The following CTNND2 variants were observed in gnomAD, a reference collection of about 807,000 sequenced individuals.
The protein encoded by CTNND2 is catenin delta 2.
A neutral mutation model predicts 144.4 loss-of-function variants in CTNND2; 22 were observed. That is an observed-to-expected ratio of 0.15 (90% CI 0.11 to 0.22). CTNND2 has a LOEUF of 0.22. Among genes scored for constraint, CTNND2 ranks in the 10% least tolerant of loss-of-function variants. The probability of loss-of-function intolerance (pLI) is 1.00; values close to 1 mark genes in which losing one functional copy is unlikely to be tolerated. For missense variants in CTNND2, 1,353 were observed against 1,618.8 expected (o/e 0.84, Z 2.82); for synonymous variants, 751 against 695.6 (o/e 1.08, Z -1.25).
intron 1 of CTNND2, among the ~76,000 whole-genome samples, chr5:11,887,507 C>CA (rs35431230): frequency 0.25 from 34,856 of 141,382 alleles, 4,087 homozygotes; most frequent in Admixed American, 0.32. Flanking sequence ...TTTGAGCAAG[C>CA]AAAAAAAAAA....
At chr5:11,630,673 C>G (rs1781368312) in intron 2 of CTNND2, among the ~76,000 whole-genome samples, 1 of 151,942 alleles carries the variant, frequency 6.6e-6, no homozygotes, top group African/African-American at 2.4e-5. Flanking sequence ...TCAAATAACC[C>G]TACTGTCAAT....
chr5:11,592,439 T>A (rs1420903326), intron 2 of CTNND2, among the ~76,000 whole-genome samples: 1 of 152,162 alleles, frequency 6.6e-6, no homozygotes, highest in Non-Finnish European at 1.5e-5. Flanking sequence ...TATTTCCTAG[T>A]ATTATTGTAA....
At chr5:11,578,934 C>T (rs1581542617) in intron 2 of CTNND2, among the ~76,000 whole-genome samples, 2 of 152,138 alleles carry the variant, frequency 1.3e-5, no homozygotes, top group Non-Finnish European at 2.9e-5. Context: ...ATATTCAAAA[C>T]ATGAACATTC....
intron 3 of CTNND2, among the ~76,000 whole-genome samples, chr5:11,437,251 AAGTTGG>A (rs1763856229): frequency 6.6e-6 from 1 of 152,224 alleles, no homozygotes. Context: ...AAAAGAAATA[AAGTTGG>A]ATTTAAGATA....
chr5:11,648,172 C>CTTTTTTTTTTTTTTTTTTTT, intron 2 of CTNND2, among the ~76,000 whole-genome samples: 1 of 132,452 alleles, frequency 7.5e-6, no homozygotes, highest in Non-Finnish European at 1.6e-5. Flanking sequence ...AGAACAGTGA[C>CTTTTTTTTTTTTTTTTTTTT]TTTTTTTTTT....
intron 16 of CTNND2, among the ~76,000 whole-genome samples, chr5:11,033,395 GA>G (rs1204066848): frequency 4.6e-5 from 7 of 152,240 alleles, no homozygotes; most frequent in African/African-American, 1.7e-4. Flanking sequence ...TTCTCTGGAT[GA>G]GACTGATAAA....
chr5:11,796,981 A>G (rs1385255923), intron 1 of CTNND2, among the ~76,000 whole-genome samples: 2 of 152,244 alleles, frequency 1.3e-5, no homozygotes, highest in South Asian at 2.1e-4. Context: ...ACTATTGTCC[A>G]TAAACACTGG....
intron 9 of CTNND2, among the ~76,000 whole-genome samples, chr5:11,250,147 C>T (rs1447440193): frequency 6.6e-6 from 1 of 152,052 alleles, no homozygotes; most frequent in African/African-American, 2.4e-5. Flanking sequence ...TTTCACCCTT[C>T]AGTTTGAATA....
At chr5:11,182,807 C>T (rs1024644423) in intron 11 of CTNND2, among the ~76,000 whole-genome samples, 1 of 152,172 alleles carries the variant, frequency 6.6e-6, no homozygotes, top group Non-Finnish European at 1.5e-5. Context: ...ATAGATATAG[C>T]TGTTTCCATA....
At chr5:11,388,060 G>A (rs1010863943) in intron 6 of CTNND2, among the ~76,000 whole-genome samples, 6 of 152,162 alleles carry the variant, frequency 3.9e-5, no homozygotes, top group South Asian at 2.1e-4. Flanking sequence ...GACAAGCTAC[G>A]GCAACCAATT....
At chr5:11,201,976 A>C (rs1374899308) in intron 10 of CTNND2, among the ~76,000 whole-genome samples, 1 of 152,196 alleles carries the variant, frequency 6.6e-6, no homozygotes, top group South Asian at 2.1e-4. Flanking sequence ...CACGTGTACA[A>C]AAAAGGTTAA....
intron 3 of CTNND2, among the ~76,000 whole-genome samples, chr5:11,476,041 T>C (rs1189191021): frequency 2.6e-5 from 4 of 151,370 alleles, no homozygotes; most frequent in African/African-American, 2.4e-5. Flanking sequence ...TCTATTTTTT[T>C]TTTTTTTTTT....
intron 2 of CTNND2, among the ~76,000 whole-genome samples, chr5:11,624,487 T>C (rs948579732): frequency 6.6e-6 from 1 of 152,158 alleles, no homozygotes; most frequent in African/African-American, 2.4e-5. Flanking sequence ...AATGGTGTTA[T>C]TGTATTCATG....
chr5:11,874,958 G>A (rs180922062), intron 1 of CTNND2, among the ~76,000 whole-genome samples: 138 of 139,164 alleles, frequency 9.9e-4, no homozygotes, highest in Non-Finnish European at 1.5e-3. Flanking sequence ...CAGTGATGAG[G>A]TGATTCTTTC....
intron 9 of CTNND2, among the ~76,000 whole-genome samples, chr5:11,238,973 G>A (rs1051871845): frequency 1.3e-5 from 2 of 152,190 alleles, no homozygotes; most frequent in African/African-American, 4.8e-5. Flanking sequence ...GGCTCAGATA[G>A]CACAGTCCTT....
rs569816474 is a variant in CTNND2, at chr5:11,893,668, C to T, written c.37+10149G>A. 6.6e-5 allele frequency among the ~76,000 whole-genome samples: 10 copies of T among 152,210 alleles called. No individual in the cohort carries two copies. In the East Asian group the frequency reaches 1.6e-3, roughly 24 times the overall value. On this transcript the variant is annotated intron_variant, in intron 1 of 21. Transcript: ENST00000304623. ...CAAAGGAAGAAGGATGCTTTCTGAA[C>T]GTTAATTTCCTCCAGCCATCATCTT...
chr5:11,355,898 C>T (rs186775341), intron 8 of CTNND2, among the ~76,000 whole-genome samples: 1 of 151,918 alleles, frequency 6.6e-6, no homozygotes, highest in East Asian at 1.9e-4. Context: ...ACTATCTGTA[C>T]AGAAATATAC....
intron 1 of CTNND2, among the ~76,000 whole-genome samples, chr5:11,865,113 T>C (rs1399666591): frequency 6.6e-6 from 1 of 152,056 alleles, no homozygotes; most frequent in African/African-American, 2.4e-5. Context: ...CAGGCTGGTC[T>C]CAAACTCCCG....
chr5:11,330,774 C>T (rs2453383), intron 9 of CTNND2, among the ~76,000 whole-genome samples: 35,545 of 126,726 alleles, frequency 0.28, 4,373 homozygotes, highest in East Asian at 0.43. Flanking sequence ...CAGAGCAAAA[C>T]TCTGTATCAA....
Sources: gnomAD v4.1 joint callset for allele counts (sites outside exome capture counted in the v4.1 genomes callset) on GRCh38, gnomAD v4.1.1 for gene constraint, MANE v1.5 for transcripts, NCBI Gene and HGNC (gene_info 2026-07-23, HGNC 2026-07-21) for gene names.